The following ETV1 variants were observed in gnomAD, a reference collection of about 807,000 sequenced individuals.
ETV1 encodes the protein ETS translocation variant 1.
A neutral mutation model predicts 62.3 loss-of-function variants in ETV1; 27 were observed. The observed-to-expected ratio is 0.43, with a 90% CI of 0.32 to 0.60. The LOEUF is 0.60. ETV1 is among the 20% of genes least tolerant of loss of function. The probability of loss-of-function intolerance (pLI) is 0.06; values close to 1 mark genes in which losing one functional copy is unlikely to be tolerated. For missense variants in ETV1, 605 were observed against 605.8 expected, an observed-to-expected ratio of 1.00 and a Z score of 0.01; for synonymous variants, 222 against 199.6, an observed-to-expected ratio of 1.11 and a Z score of -0.94.
At chr7:13,926,084 C>A (rs899196622) in intron 9 of ETV1, among the ~76,000 whole-genome samples, 1 of 152,174 alleles carries the variant, frequency 6.6e-6, no homozygotes. Context: ...TTTCAAAAAT[C>A]TGACTTCTAA....
At chr7:13,918,325 T>A (rs1208927898) in intron 9 of ETV1, among the ~76,000 whole-genome samples, 1 of 152,196 alleles carries the variant, frequency 6.6e-6, no homozygotes. Flanking sequence ...ATGGTTGAAC[T>A]AGTTTACAGT....
At chr7:13,926,230 TGA>T (rs1285189949) in intron 9 of ETV1, among the ~76,000 whole-genome samples, 1 of 152,210 alleles carries the variant, frequency 6.6e-6, no homozygotes, top group Non-Finnish European at 1.5e-5. Flanking sequence ...AATAAATTCC[TGA>T]GAGTGAAATT....
At chr7:13,928,771 A>C (rs1266924287) in intron 9 of ETV1, among the ~76,000 whole-genome samples, 1 of 152,096 alleles carries the variant, frequency 6.6e-6, no homozygotes, top group Admixed American at 6.5e-5. Flanking sequence ...CAGCCTGGCC[A>C]CCATGGTGAA....
chr7:13,950,899 AACACACACAC>A (rs67539493), intron 6 of ETV1, among the ~76,000 whole-genome samples: 42,350 of 138,738 alleles, frequency 0.31, 6,886 homozygotes, highest in Non-Finnish European at 0.39. Flanking sequence ...CTTCTCTAGG[AACACACACAC>A]ACACACACAC....
At chr7:13,982,087 T>A (rs1005822596) in intron 5 of ETV1, among the ~76,000 whole-genome samples, 1 of 152,090 alleles carries the variant, frequency 6.6e-6, no homozygotes, top group African/African-American at 2.4e-5. Context: ...AAGGCATTAT[T>A]TCCATATTTC....
At position 13,989,271 on chromosome 7, in the gene ETV1, G is replaced by T; in HGVS notation, c.-91C>A. On this transcript the variant is annotated 5_prime_UTR_variant, in exon 2 of 14. Transcript: ENST00000430479. ...CTCCCTACACCGCCTCCTTCACCTG[G>T]ATCCAAAGAGAGCCAACAGAGTTCA... The T allele has an allele frequency of 1.8e-6, 1 of 543,334 alleles. No individual in the cohort carries two copies. The highest frequency in any genetic ancestry group is 2.6e-5 in the South Asian group (1 of 38,786). The allele number at this position is 543,334 out of a possible 1,614,324, so 33.7% of individuals were successfully genotyped here.
At chr7:13,977,361 G>T in intron 6 of ETV1, 66 bp downstream of exon 6, 4 of 1,137,360 alleles carry the variant, frequency 3.5e-6, no homozygotes, top group South Asian at 2.9e-5. Context: ...ACCAACCAAA[G>T]AGAAAGAAGA....
intron 6 of ETV1, chr7:13,958,972 T>A (rs1159684933): frequency 6.6e-6 from 1 of 151,998 alleles, no homozygotes; most frequent in African/African-American, 2.4e-5. Flanking sequence ...GATTTCTCAT[T>A]CTGTTGTAAG....
chr7:13,931,496 G>A lies in ETV1; in HGVS notation c.802+6C>T, dbSNP rs768241923. 1.2e-5 allele frequency: 20 copies of A among 1,613,902 alleles called. No individual in the cohort carries two copies. The highest frequency in any genetic ancestry group is 1.6e-5 in the Non-Finnish European group (19 of 1,179,834). ...TGAATGTAATTTGCGCAGAGCGCAG[G>A]CCTACCTGAGTCATATGCAAAATCT... On this transcript the variant is annotated splice_donor_region_variant and intron_variant, in intron 9 of 13. Coordinates refer to ENST00000430479, the MANE Select transcript of ETV1 (RefSeq NM_004956.5).
At chr7:13,906,161 C>T in intron 12 of ETV1, 1 of 285,750 alleles carries the variant, frequency 3.5e-6, no homozygotes, top group Non-Finnish European at 6.4e-6. Context: ...ACCCTGAAGC[C>T]AGACATTCTT....
At chr7:13,907,622 C>T (rs1783103834) in intron 11 of ETV1, among the ~76,000 whole-genome samples, 1 of 152,090 alleles carries the variant, frequency 6.6e-6, no homozygotes, top group South Asian at 2.1e-4. Context: ...ATAGGTGGAA[C>T]TGCTCACATT....
At chr7:13,975,427 T>A (rs982063862) in intron 6 of ETV1, among the ~76,000 whole-genome samples, 1 of 150,422 alleles carries the variant, frequency 6.6e-6, no homozygotes, top group African/African-American at 2.4e-5. Flanking sequence ...ATGCCTGTAG[T>A]CCCAGCTACT....
chr7:13,946,358 C>T (rs1788162723), intron 6 of ETV1, among the ~76,000 whole-genome samples: 1 of 152,164 alleles, frequency 6.6e-6, no homozygotes, highest in African/African-American at 2.4e-5. Flanking sequence ...TTTAAAACCA[C>T]ATCTTAAGGC....
rs760259108 is a variant in ETV1, at chr7:13,894,354, C to G, written c.*1512G>C. ...CTGCTTTCAATATTTTCTCCAAATG[C>G]AAAGCAAAAACAGAACAAAAAACTT... On this transcript the variant is annotated 3_prime_UTR_variant, in exon 14 of 14. Coordinates refer to ENST00000430479, the MANE Select transcript of ETV1 (RefSeq NM_004956.5). 1.7e-5 allele frequency: 4 copies of G among 231,448 alleles called. No homozygotes were observed. Among genetic ancestry groups the G allele is most frequent in the Non-Finnish European group, 3.4e-5 (4 of 116,834 alleles). The allele number at this position is 231,448 out of a possible 1,614,324, so 14.3% of individuals were successfully genotyped here.
intron 6 of ETV1, among the ~76,000 whole-genome samples, chr7:13,973,167 A>C (rs1781073386): frequency 6.6e-6 from 1 of 152,218 alleles, no homozygotes; most frequent in South Asian, 2.1e-4. Context: ...CATGTTCTAT[A>C]ATCCAGTATT....
intron 6 of ETV1, among the ~76,000 whole-genome samples, chr7:13,945,506 A>T (rs74779822): frequency 0.036 from 5,409 of 150,608 alleles, 141 homozygotes; most frequent in South Asian, 0.066. Flanking sequence ...GGCAAAAAAA[A>T]TTTTTTTTTT....
chr7:13,895,843 G>A lies in ETV1; in HGVS notation c.*23C>T, dbSNP rs757831005. 4.5e-6 allele frequency: 7 copies of A among 1,569,480 alleles called. No homozygotes were observed. The highest frequency in any genetic ancestry group is 5.2e-6 in the Non-Finnish European group (6 of 1,143,584). ...CAGAAAAAAGGAAAAGCGCAAAAAC[G>A]CCCTGCTTGACTGTCACTTGTGTTA... On this transcript the variant is annotated 3_prime_UTR_variant, in exon 14 of 14. Transcript: ENST00000430479.
intron 9 of ETV1, among the ~76,000 whole-genome samples, chr7:13,915,575 T>A (rs1358885540): frequency 3.3e-5 from 5 of 152,172 alleles, no homozygotes; most frequent in African/African-American, 1.2e-4. Context: ...ATGTTTAAAA[T>A]CCAAAGGTTT....
intron 5 of ETV1, among the ~76,000 whole-genome samples, chr7:13,981,205 G>C (rs796533202): frequency 2.6e-5 from 4 of 152,072 alleles, no homozygotes; most frequent in African/African-American, 9.6e-5. Context: ...CAATGACCTG[G>C]AGCCAAACAA....
Sources: gnomAD v4.1 joint callset for allele counts (sites outside exome capture counted in the v4.1 genomes callset) on GRCh38, gnomAD v4.1.1 for gene constraint, MANE v1.5 for transcripts, NCBI Gene and HGNC (gene_info 2026-07-23, HGNC 2026-07-21) for gene names.